PAN3: variants seen among roughly 807,000 people sequenced by gnomAD.
PAN3 encodes poly(A) specific ribonuclease subunit PAN3, also known as PAN2-PAN3 deadenylation complex subunit PAN3.
Under a neutral mutation model 96.2 loss-of-function variants are expected in PAN3, and 19 were observed. That is an observed-to-expected ratio of 0.20 (90% CI 0.14 to 0.29). PAN3 has a LOEUF of 0.29. PAN3 is among the 10% of genes least tolerant of loss of function. The pLI, the probability that PAN3 is intolerant of heterozygous loss-of-function variation, is 1.00. For missense variants in PAN3, 882 were observed against 1,108.1 expected (o/e 0.80, Z 2.90); for synonymous variants, 433 against 406.6 (o/e 1.06, Z -0.78).
chr13:28,194,432 A>G (rs1424283237), intron 4 of PAN3, among the ~76,000 whole-genome samples: 1 of 142,974 alleles, frequency 7.0e-6, no homozygotes, highest in East Asian at 2.0e-4. Context: ...GTGTGTGTAT[A>G]TATACATATA....
intron 9 of PAN3, among the ~76,000 whole-genome samples, chr13:28,262,477 G>A (rs1885821961): frequency 6.6e-6 from 1 of 152,176 alleles, no homozygotes; most frequent in Non-Finnish European, 1.5e-5. Flanking sequence ...ATGTCTGGCT[G>A]TTACACCTTA....
chr13:28,272,862 C>T (rs753987780), intron 14 of PAN3, among the ~76,000 whole-genome samples: 2 of 152,158 alleles, frequency 1.3e-5, no homozygotes, highest in African/African-American at 4.8e-5. Context: ...AGCCACTGTG[C>T]CCGGCCTCCT....
At chr13:28,152,601 A>C (rs1294233223) in intron 1 of PAN3, among the ~76,000 whole-genome samples, 1 of 151,200 alleles carries the variant, frequency 6.6e-6, no homozygotes, top group Admixed American at 6.6e-5. Flanking sequence ...ACCAAAAAAC[A>C]AAAAAAAATG....
intron 5 of PAN3, 103 bp downstream of exon 5, chr13:28,197,449 G>T: frequency 2.7e-6 from 3 of 1,095,782 alleles, no homozygotes; most frequent in Non-Finnish European, 3.7e-6. Context: ...GACTTAGCTG[G>T]TATACTTAGG....
intron 7 of PAN3, among the ~76,000 whole-genome samples, chr13:28,259,528 T>G (rs1416368171): frequency 6.6e-6 from 1 of 152,006 alleles, no homozygotes; most frequent in Non-Finnish European, 1.5e-5. Flanking sequence ...ATAATTTTTG[T>G]ATTTTTAGTA....
chr13:28,257,701 A>ATATATATTATATATAATATATAT (rs1566234844), intron 7 of PAN3, among the ~76,000 whole-genome samples: 1 of 138,716 alleles, frequency 7.2e-6, no homozygotes, highest in African/African-American at 2.7e-5. Flanking sequence ...AATATATATT[A>ATATATATTATATATAATATATAT]TATATATTAT....
At chr13:28,224,648 T>TGGA in intron 6 of PAN3, among the ~76,000 whole-genome samples, 1 of 152,254 alleles carries the variant, frequency 6.6e-6, no homozygotes, top group East Asian at 1.9e-4. Context: ...AGAGAGTGTC[T>TGGA]CACTCTGTCG....
intron 1 of PAN3, among the ~76,000 whole-genome samples, chr13:28,142,609 T>C (rs1187451193): frequency 1.3e-5 from 2 of 151,698 alleles, no homozygotes; most frequent in Non-Finnish European, 2.9e-5. Flanking sequence ...TTTCCCCATG[T>C]TGCCCAGGCC....
chr13:28,259,300 G>GTT (rs199522105), intron 7 of PAN3, among the ~76,000 whole-genome samples: 9 of 148,974 alleles, frequency 6.0e-5, no homozygotes, highest in African/African-American at 2.0e-4. Flanking sequence ...GCTAATTTGT[G>GTT]TTTTTTTTGT....
intron 4 of PAN3, among the ~76,000 whole-genome samples, chr13:28,190,580 G>A (rs1016732308): frequency 2.0e-5 from 3 of 152,080 alleles, no homozygotes; most frequent in African/African-American, 4.8e-5. Flanking sequence ...GTTTTACCAC[G>A]GGAAAAGGGG....
chr13:28,283,724 G>A (rs563893924), intron 17 of PAN3, among the ~76,000 whole-genome samples: 23 of 152,316 alleles, frequency 1.5e-4, no homozygotes, highest in African/African-American at 5.3e-4. Flanking sequence ...CTATGATGGA[G>A]TTACCATTGT....
chr13:28,295,111 T>G lies in PAN3; in HGVS notation c.*2589T>G, dbSNP rs1870167119. On this transcript the variant is annotated 3_prime_UTR_variant, in exon 19 of 19. Coordinates refer to ENST00000380958, the MANE Select transcript of PAN3 (RefSeq NM_175854.8). ...TGGTCATTTCAATATTTTGTACCTG[T>G]TTTAAATTCTGTTAGTGTATTTACT... is the stretch of plus-strand genomic sequence containing the variant. 6.6e-6 allele frequency: 1 copy of G among 152,220 alleles called. No homozygotes were observed. The highest frequency in any genetic ancestry group is 2.1e-4 in the South Asian group (1 of 4,836). 9.4% of individuals were successfully genotyped at this position (152,220 alleles called of 1,614,324 possible).
At chr13:28,155,583 C>T (rs1486966489) in intron 1 of PAN3, among the ~76,000 whole-genome samples, 5 of 151,772 alleles carry the variant, frequency 3.3e-5, no homozygotes, top group Admixed American at 3.3e-4. Flanking sequence ...AGTGAGACTC[C>T]ATCTCGAAAA....
intron 5 of PAN3, among the ~76,000 whole-genome samples, chr13:28,198,336 T>G (rs902381218): frequency 2.0e-5 from 3 of 152,052 alleles, no homozygotes; most frequent in African/African-American, 7.2e-5. Context: ...AAAGTCACAT[T>G]TATTTGGAAA....
intron 1 of PAN3, among the ~76,000 whole-genome samples, chr13:28,173,435 AT>A (rs891234698): frequency 6.6e-6 from 1 of 152,200 alleles, no homozygotes; most frequent in African/African-American, 2.4e-5. Context: ...ACTTTTTGTA[AT>A]TATAAATGCA....
intron 6 of PAN3, among the ~76,000 whole-genome samples, chr13:28,229,229 C>G (rs1416453881): frequency 6.6e-6 from 1 of 152,188 alleles, no homozygotes; most frequent in African/African-American, 2.4e-5. Flanking sequence ...GAGATATTTT[C>G]TCATTTGCAT....
intron 9 of PAN3, among the ~76,000 whole-genome samples, chr13:28,262,507 AG>A (rs1449082412): frequency 6.6e-6 from 1 of 152,230 alleles, no homozygotes; most frequent in Non-Finnish European, 1.5e-5. Flanking sequence ...TTTCCAGGTA[AG>A]GTGGGAAGGA....
At chr13:28,237,738 C>CA (rs1269591557) in intron 6 of PAN3, among the ~76,000 whole-genome samples, 1 of 152,094 alleles carries the variant, frequency 6.6e-6, no homozygotes, top group African/African-American at 2.4e-5. Flanking sequence ...TATTTTTAAT[C>CA]ATATAGTAAC....
intron 4 of PAN3, among the ~76,000 whole-genome samples, chr13:28,186,878 T>C (rs1876545314): frequency 6.6e-6 from 1 of 152,074 alleles, no homozygotes; most frequent in South Asian, 2.1e-4. Context: ...TTAATGATCA[T>C]TACAATTGAT....
Sources: gnomAD v4.1 joint callset for allele counts (sites outside exome capture counted in the v4.1 genomes callset) on GRCh38, gnomAD v4.1.1 for gene constraint, MANE v1.5 for transcripts, NCBI Gene and HGNC (gene_info 2026-07-23, HGNC 2026-07-21) for gene names.